Variants in LAMB1 observed in about 807,000 individuals in gnomAD.
The protein encoded by LAMB1 is laminin subunit beta-1.
Under a neutral mutation model 222.3 loss-of-function variants are expected in LAMB1, and 121 were observed. That is an observed-to-expected ratio of 0.54 (90% CI 0.47 to 0.63). LAMB1 has a LOEUF of 0.63. Among genes scored for constraint, LAMB1 ranks in the 30% least tolerant of loss-of-function variants. LAMB1 has a pLI of 0.00. For synonymous variants in LAMB1, 794 were observed against 807.2 expected, an observed-to-expected ratio of 0.98 and a Z score of 0.28; for missense variants, 2,172 against 2,240.8, an observed-to-expected ratio of 0.97 and a Z score of 0.62.
intron 5 of LAMB1, among the ~76,000 whole-genome samples, chr7:107,989,791 C>G (rs1191389015): frequency 6.6e-6 from 1 of 152,194 alleles, no homozygotes; most frequent in East Asian, 1.9e-4. Context: ...AAAGCCATTT[C>G]TGGCTGTGCT....
intron 24 of LAMB1, among the ~76,000 whole-genome samples, chr7:107,948,046 G>A (rs1206172361): frequency 3.6e-5 from 5 of 139,816 alleles, no homozygotes; most frequent in East Asian, 2.2e-4. Context: ...GCAGTGGCAC[G>A]ATCTCTGCTC....
chr7:107,943,829 C>G (rs562721336), intron 24 of LAMB1, among the ~76,000 whole-genome samples: 94 of 152,246 alleles, frequency 6.2e-4, no homozygotes, highest in African/African-American at 2.1e-3. Flanking sequence ...GTGTGTGTAT[C>G]TGTGTGTCTG....
Position 107,964,781 on chromosome 7 carries a change from G to A in LAMB1, c.1563-94C>T, listed in dbSNP as rs552719663. 51 of 1,344,430 alleles carry A rather than the reference G, an allele frequency of 3.8e-5. No individual in the cohort carries two copies. In the African/African-American group the frequency reaches 6.8e-4, roughly 18 times the overall value. The allele number at this position is 1,344,430 out of a possible 1,614,324, so 83.3% of individuals were successfully genotyped here. On this transcript the variant is annotated intron_variant, in intron 13 of 33. Transcript: ENST00000222399. ...TACAGCTGCCATTACTCAGTACACAGGACCAAATACATAGCATGTTCTTGT... is the reference window on the plus strand; with the variant it reads ...TACAGCTGCCATTACTCAGTACACAAGACCAAATACATAGCATGTTCTTGT...
chr7:107,998,045 G>A (rs993921318), intron 4 of LAMB1, among the ~76,000 whole-genome samples: 1 of 152,134 alleles, frequency 6.6e-6, no homozygotes, highest in Non-Finnish European at 1.5e-5. Flanking sequence ...ATAAGGGCCT[G>A]AGATAGTACC....
intron 13 of LAMB1, among the ~76,000 whole-genome samples, chr7:107,971,299 A>G (rs976666182): frequency 7.2e-5 from 11 of 152,178 alleles, no homozygotes; most frequent in African/African-American, 2.4e-4. Flanking sequence ...ATTCTACTCA[A>G]TCAGCATTTA....
chr7:107,979,459 C>T (rs116933690), intron 8 of LAMB1, among the ~76,000 whole-genome samples: 1 of 152,290 alleles, frequency 6.6e-6, no homozygotes, highest in Non-Finnish European at 1.5e-5. Flanking sequence ...GAGGCTTGAG[C>T]TTCCACCTGC....
intron 25 of LAMB1, among the ~76,000 whole-genome samples, chr7:107,938,581 A>G (rs985940944): frequency 1.1e-4 from 17 of 152,306 alleles, no homozygotes; most frequent in African/African-American, 3.6e-4. Context: ...CGGTAGAAAC[A>G]GAGCTGTTTT....
At chr7:107,939,050 C>T (rs2032915886) in intron 25 of LAMB1, among the ~76,000 whole-genome samples, 1 of 152,168 alleles carries the variant, frequency 6.6e-6, no homozygotes, top group Non-Finnish European at 1.5e-5. Flanking sequence ...ATAAACACCT[C>T]AGTGTGCAGG....
chr7:107,997,234 T>C (rs1487304356), intron 4 of LAMB1, among the ~76,000 whole-genome samples: 4 of 152,064 alleles, frequency 2.6e-5, no homozygotes, highest in Non-Finnish European at 5.9e-5. Flanking sequence ...CCACCCTGGC[T>C]AACACCGTGA....
At chr7:108,001,315 C>T (rs1434135697) in intron 3 of LAMB1, among the ~76,000 whole-genome samples, 3 of 152,230 alleles carry the variant, frequency 2.0e-5, no homozygotes, top group African/African-American at 7.2e-5. Flanking sequence ...GTCAGGGCAG[C>T]CAGGGCTGTC....
chr7:107,978,052 C>T lies in LAMB1; in HGVS notation c.995G>A (p.Cys332Tyr). 6.2e-7 allele frequency: 1 copy of T among 1,614,154 alleles called. No individual in the cohort carries two copies. ...RPAEGRNSNA[C>Y]KKCNCNEHSI... ...TCCCTTCAACACAGACTTACTTTTA[C>T]AGGCGTTGCTGTTTCGGCCTTCAGC... is the stretch of plus-strand genomic sequence containing the variant. Residue 332 changes from cysteine (C) to tyrosine (Y), a missense_variant, in exon 9 of 34, where the codon TGT becomes TAT. Cys to Tyr is a radical substitution (Grantham distance 194). Coordinates refer to ENST00000222399, the MANE Select transcript of LAMB1 (RefSeq NM_002291.3).
chr7:107,977,461 A>G (rs1007383950), intron 9 of LAMB1, among the ~76,000 whole-genome samples: 6 of 152,134 alleles, frequency 3.9e-5, no homozygotes, highest in African/African-American at 1.4e-4. Flanking sequence ...CCTGCCATAT[A>G]GTTCTTTCAT....
intron 26 of LAMB1, chr7:107,936,177 T>C (rs2032842007): frequency 6.5e-6 from 1 of 153,204 alleles, no homozygotes; most frequent in African/African-American, 2.4e-5. Context: ...ACTATTTACA[T>C]AGCATTTACA....
intron 25 of LAMB1, among the ~76,000 whole-genome samples, chr7:107,938,580 CAG>C (rs774014232): frequency 2.0e-5 from 3 of 152,248 alleles, no homozygotes; most frequent in South Asian, 4.1e-4. Context: ...ACGGTAGAAA[CAG>C]AGCTGTTTTG....
Position 107,935,343 on chromosome 7 carries a change from C to CTTTTTTTTTTTTT in LAMB1, c.4188+71_4188+72insAAAAAAAAAAAAA, listed in dbSNP as rs2032816386. 7 of 1,371,968 alleles carry CTTTTTTTTTTTTT rather than the reference C, an allele frequency of 5.1e-6. No homozygotes were observed. In the African/African-American group the frequency reaches 1.7e-4, roughly 33 times the overall value. 85.0% of individuals were successfully genotyped at this position (1,371,968 alleles called of 1,614,324 possible). ...TAATGACAAAAGATGGTTTGTTTTT[C>CTTTTTTTTTTTTT]TTTGTTTTTTTTTTTTTTTTTTTTT... On this transcript the variant is annotated intron_variant, in intron 27 of 33. Transcript: ENST00000222399.
chr7:107,973,758 G>C (rs1330824563), intron 12 of LAMB1, among the ~76,000 whole-genome samples: 1 of 152,114 alleles, frequency 6.6e-6, no homozygotes, highest in African/African-American at 2.4e-5. Flanking sequence ...CAATTTTCCT[G>C]CCTTAGCCTC....
chr7:107,979,627 T>G (rs932671133), intron 8 of LAMB1, among the ~76,000 whole-genome samples: 1 of 152,196 alleles, frequency 6.6e-6, no homozygotes, highest in African/African-American at 2.4e-5. Context: ...ATCTATCCAT[T>G]TGGCAAATCA....
intron 13 of LAMB1, among the ~76,000 whole-genome samples, chr7:107,967,507 G>A (rs761960734): frequency 2.0e-5 from 3 of 152,158 alleles, no homozygotes; most frequent in Non-Finnish European, 2.9e-5. Flanking sequence ...GCCTCTGCCT[G>A]GCTTTCTGCA....
intron 32 of LAMB1, 98 bp from the exon 33 acceptor site, chr7:107,924,487 G>A: frequency 1.2e-6 from 1 of 849,764 alleles, no homozygotes; most frequent in Non-Finnish European, 1.7e-6. Context: ...TCTGGATTAA[G>A]GGCCACCAAG....
Sources: gnomAD v4.1 joint callset for allele counts (sites outside exome capture counted in the v4.1 genomes callset) on GRCh38, gnomAD v4.1.1 for gene constraint, MANE v1.5 for transcripts, NCBI Gene and HGNC (gene_info 2026-07-23, HGNC 2026-07-21) for gene names.